Variants in AOPEP observed in about 807,000 individuals in gnomAD.
The protein encoded by AOPEP is aminopeptidase O (putative), also known as aminopeptidase O.
In AOPEP, 77 loss-of-function variants were observed where a neutral mutation model predicts 98.1. The observed-to-expected ratio is 0.78, with a 90% CI of 0.65 to 0.95. The LOEUF (loss-of-function observed/expected upper bound fraction) is 0.95. Ranked by LOEUF, AOPEP falls within the 40% of genes least tolerant of loss-of-function variation. The probability of loss-of-function intolerance (pLI) is 0.00; values close to 1 mark genes in which losing one functional copy is unlikely to be tolerated. For synonymous variants in AOPEP, 346 were observed against 365.3 expected, an observed-to-expected ratio of 0.95 and a Z score of 0.60; for missense variants, 1,024 against 1,024.7, an observed-to-expected ratio of 1.00 and a Z score of 0.01.
At chr9:94,837,665 A>G (rs2041779712) in intron 5 of AOPEP, among the ~76,000 whole-genome samples, 1 of 152,258 alleles carries the variant, frequency 6.6e-6, no homozygotes, top group South Asian at 2.1e-4. Flanking sequence ...AAATCACATG[A>G]TCATCTCAAT....
chr9:94,875,688 G>T (rs1193646137), intron 5 of AOPEP, among the ~76,000 whole-genome samples: 1 of 152,202 alleles, frequency 6.6e-6, no homozygotes. Flanking sequence ...AACTGAAGTA[G>T]GTGAGTACGT....
At chr9:95,036,656 T>C (rs1026721438) in intron 13 of AOPEP, among the ~76,000 whole-genome samples, 1 of 151,412 alleles carries the variant, frequency 6.6e-6, no homozygotes. Context: ...CGCCCTCCTC[T>C]TCTTCCTCCT....
At chr9:94,874,892 A>C (rs1216925018) in intron 5 of AOPEP, among the ~76,000 whole-genome samples, 3 of 152,152 alleles carry the variant, frequency 2.0e-5, no homozygotes, top group Non-Finnish European at 4.4e-5. Flanking sequence ...GTATTTCCTT[A>C]TTTATTTTTT....
intron 6 of AOPEP, 49 bp from the exon 7 acceptor site, chr9:94,928,376 C>A: frequency 7.4e-7 from 1 of 1,351,310 alleles, no homozygotes; most frequent in Non-Finnish European, 1.0e-6. Context: ...AGGACCACAA[C>A]AGTGACTGTG....
the AOPEP span, among the ~76,000 whole-genome samples, chr9:95,118,513 C>A: frequency 2.0e-5 from 3 of 152,222 alleles, no homozygotes; most frequent in Non-Finnish European, 4.4e-5. Flanking sequence ...GTGACCACCA[C>A]CCCAGTGAAG....
chr9:95,069,716 A>G (rs889122692), intron 14 of AOPEP, among the ~76,000 whole-genome samples: 6 of 152,188 alleles, frequency 3.9e-5, no homozygotes, highest in Non-Finnish European at 7.3e-5. Flanking sequence ...TCAATATTTG[A>G]TGTTTGTCAT....
chr9:94,915,650 C>T (rs1352064865), intron 5 of AOPEP, among the ~76,000 whole-genome samples: 2 of 152,206 alleles, frequency 1.3e-5, no homozygotes, highest in Non-Finnish European at 1.5e-5. Flanking sequence ...CTCTGTCAGC[C>T]GGCAGTGCCT....
intron 13 of AOPEP, among the ~76,000 whole-genome samples, chr9:95,031,086 A>G (rs1211141640): frequency 6.6e-6 from 1 of 152,118 alleles, no homozygotes; most frequent in East Asian, 1.9e-4. Context: ...AGGCTAGTGG[A>G]AAGTGTGGTG....
chr9:94,819,428 C>G (rs1168311079), intron 5 of AOPEP, among the ~76,000 whole-genome samples: 2 of 152,196 alleles, frequency 1.3e-5, no homozygotes, highest in Non-Finnish European at 1.5e-5. Flanking sequence ...GCCACTCTTC[C>G]TCTGAATGCC....
At chr9:95,117,251 C>T in the AOPEP span, 5 of 1,425,186 alleles carry the variant, frequency 3.5e-6, no homozygotes, top group Admixed American at 5.1e-5. Flanking sequence ...ATGAGGAGGT[C>T]ATAATTTGAC....
chr9:95,124,878 C>A, the AOPEP span, among the ~76,000 whole-genome samples: 1 of 152,184 alleles, frequency 6.6e-6, no homozygotes. Context: ...TAGACAGATG[C>A]TTCTGGGTAT....
At chr9:95,075,924 C>T (rs910981018) in intron 14 of AOPEP, among the ~76,000 whole-genome samples, 2 of 152,216 alleles carry the variant, frequency 1.3e-5, no homozygotes, top group Non-Finnish European at 2.9e-5. Flanking sequence ...AATAGAATGC[C>T]TAAGCTGCCC....
At chr9:95,017,313 T>C (rs1211464511) in intron 13 of AOPEP, among the ~76,000 whole-genome samples, 1 of 152,170 alleles carries the variant, frequency 6.6e-6, no homozygotes, top group Non-Finnish European at 1.5e-5. Context: ...AGAGTATACT[T>C]AGACAAACCT....
chr9:94,800,936 C>A lies in AOPEP; in HGVS notation c.1298C>A (p.Ala433Glu). The change falls in exon 5 of 17, where the codon GCA (alanine) becomes GAA (glutamate). Residue 433 changes from alanine to glutamate, a missense_variant. Physicochemically the swap from Ala to Glu is moderately radical, Grantham distance 107 (BLOSUM62 -1). Around this residue, in one of 3 missense-constraint regions of AOPEP, gnomAD observed 566 missense variants for 551.7 expected, o/e 1.03. Transcript: ENST00000375315. ...TCAGCAGCACATTCTGTTCTGGGAG[C>A]ACACCCGTTCTCTCGGCTGGATGTT... ...CLSAAHSVLG[A>E]HPFSRLDVLI... 1 of 1,614,174 alleles carries A rather than the reference C, an allele frequency of 6.2e-7. No homozygotes were observed. Among genetic ancestry groups the A allele is most frequent in the East Asian group, 2.2e-5 (1 of 44,868 alleles).
At chr9:94,822,277 G>A (rs1003147979) in intron 5 of AOPEP, among the ~76,000 whole-genome samples, 3 of 152,174 alleles carry the variant, frequency 2.0e-5, no homozygotes. Context: ...CAGCAGGAGG[G>A]TCATTTTGTT....
intron 7 of AOPEP, among the ~76,000 whole-genome samples, chr9:94,935,849 C>A (rs952337590): frequency 1.3e-5 from 2 of 152,208 alleles, no homozygotes; most frequent in Admixed American, 1.3e-4. Flanking sequence ...CCACAGTCAT[C>A]TCTTACTGAT....
rs118001083 is a variant in AOPEP, at chr9:94,982,530, T to C, written c.1977+3103T>C. Reference sequence around the variant, plus strand: ...TCATTTAAGGATATACACTGAGTAGTTTCCCACATCCCTTAATATAATTCA... The same window carrying C: ...TCATTTAAGGATATACACTGAGTAGCTTCCCACATCCCTTAATATAATTCA... On this transcript the variant is annotated intron_variant, in intron 11 of 16. Coordinates refer to ENST00000375315, the MANE Select transcript of AOPEP (RefSeq NM_001193329.3). 2.4e-3 allele frequency among the ~76,000 whole-genome samples: 363 copies of C among 152,026 alleles called. 1 individual carries two copies. Among genetic ancestry groups the C allele is most frequent in the South Asian group, 0.018 (86 of 4,798 alleles).
chr9:95,039,636 T>C (rs1037446415), intron 13 of AOPEP, among the ~76,000 whole-genome samples: 2 of 152,172 alleles, frequency 1.3e-5, no homozygotes, highest in African/African-American at 2.4e-5. Flanking sequence ...TAAATACATT[T>C]AACATAAGTA....
intron 7 of AOPEP, among the ~76,000 whole-genome samples, chr9:94,939,810 G>A (rs915312249): frequency 2.6e-5 from 4 of 152,208 alleles, no homozygotes; most frequent in Admixed American, 6.5e-5. Context: ...TGCATAGTCA[G>A]CCTTGTGGAA....
Sources: allele counts gnomAD v4.1 joint callset (sites outside exome capture counted in the v4.1 genomes callset), GRCh38; gene constraint gnomAD v4.1.1; regional missense constraint gnomAD v4.1.1; transcripts MANE v1.5; gene names NCBI Gene and HGNC (gene_info 2026-07-23, HGNC 2026-07-21).